Variants in ST6GAL1 observed in about 807,000 individuals in gnomAD.
ST6GAL1 encodes ST6 beta-galactoside alpha-2,6-sialyltransferase 1.
A neutral mutation model predicts 38.0 loss-of-function variants in ST6GAL1; 20 were observed. That is an observed-to-expected ratio of 0.53 (90% CI 0.37 to 0.77). The LOEUF (loss-of-function observed/expected upper bound fraction) is 0.77, where lower values mean the gene tolerates loss of function less well. ST6GAL1 is among the 30% of genes least tolerant of loss of function. ST6GAL1 has a pLI of 0.00. For synonymous variants in ST6GAL1, 196 were observed against 188.2 expected, an observed-to-expected ratio of 1.04 and a Z score of -0.34; for missense variants, 432 against 496.4, an observed-to-expected ratio of 0.87 and a Z score of 1.23.
intron 1 of ST6GAL1, among the ~76,000 whole-genome samples, chr3:186,941,282 T>A (rs1714162683): frequency 6.6e-6 from 1 of 151,910 alleles, no homozygotes; most frequent in Non-Finnish European, 1.5e-5. Context: ...AAAAGGAGTG[T>A]TTGATCTCGG....
rs138084541 is a variant in ST6GAL1 at position 186,982,586 on chromosome 3, A to G, written c.-183+18660A>G. Among the ~76,000 whole-genome samples the G allele has an allele frequency of 3.9e-5, 6 of 152,318 alleles. No homozygotes were observed. In the East Asian group the frequency reaches 1.2e-3, roughly 30 times the overall value. On this transcript the variant is annotated intron_variant, in intron 2 of 7. Coordinates refer to ENST00000169298, the MANE Select transcript of ST6GAL1 (RefSeq NM_173216.2). ...TATCATTTAATCAACCTTGAGCTTG[A>G]GACCAAAGGGAACATACCCTAAGTT...
intron 5 of ST6GAL1, 31 bp from the exon 6 acceptor site, chr3:187,072,818 C>G: frequency 6.3e-7 from 1 of 1,585,400 alleles, no homozygotes; most frequent in South Asian, 1.1e-5. Flanking sequence ...TATGAATGTT[C>G]AAGCGACAGC....
intron 2 of ST6GAL1, among the ~76,000 whole-genome samples, chr3:186,969,751 G>A (rs1483119529): frequency 6.6e-6 from 1 of 152,122 alleles, no homozygotes; most frequent in Non-Finnish European, 1.5e-5. Context: ...TCCTTAAGGA[G>A]AAGCTATATG....
Position 186,984,082 on chromosome 3 carries a change from A to C in ST6GAL1, c.-183+20156A>C, listed in dbSNP as rs115324370. ...TCCTTTGTCTCCTCTTTTTCCATTA[A>C]AGTAGCACCATCCGTCTAGTTGCTT... On this transcript the variant is annotated intron_variant, in intron 2 of 7. Transcript: ENST00000169298. Among the ~76,000 whole-genome samples the C allele has an allele frequency of 3.0e-3, 453 of 152,214 alleles. 1 individual carries two copies. The highest frequency in any genetic ancestry group is 0.01 in the African/African-American group (431 of 41,528).
chr3:187,047,402 A>G (rs1188645597), intron 4 of ST6GAL1, among the ~76,000 whole-genome samples: 1 of 152,184 alleles, frequency 6.6e-6, no homozygotes, highest in African/African-American at 2.4e-5. Context: ...AATTTCTTTC[A>G]TAATAATTTC....
At chr3:186,987,189 AGGG>A (rs1715964517) in intron 2 of ST6GAL1, among the ~76,000 whole-genome samples, 1 of 70,994 alleles carries the variant, frequency 1.4e-5, no homozygotes, top group Non-Finnish European at 2.5e-5. Context: ...ACAGGGAGGG[AGGG>A]AGGGAGGGAA....
At chr3:186,988,565 T>TGG (rs749484935) in intron 2 of ST6GAL1, among the ~76,000 whole-genome samples, 3 of 17,074 alleles carry the variant, frequency 1.8e-4, no homozygotes, top group East Asian at 4.2e-3. Flanking sequence ...TGTTTTGGGG[T>TGG]GGGGGGGTGG....
chr3:186,956,667 G>A (rs1006189975), intron 1 of ST6GAL1, among the ~76,000 whole-genome samples: 1 of 152,128 alleles, frequency 6.6e-6, no homozygotes, highest in African/African-American at 2.4e-5. Context: ...GAGCCCAAGA[G>A]AAAAAGCCTA....
At chr3:186,941,642 C>T (rs925671890) in intron 1 of ST6GAL1, among the ~76,000 whole-genome samples, 2 of 152,094 alleles carry the variant, frequency 1.3e-5, no homozygotes, top group African/African-American at 4.8e-5. Context: ...GAAGAACTGA[C>T]TTAACGGAGC....
chr3:186,959,927 T>A (rs1714878785), intron 1 of ST6GAL1, among the ~76,000 whole-genome samples: 1 of 152,132 alleles, frequency 6.6e-6, no homozygotes, highest in Non-Finnish European at 1.5e-5. Context: ...GGGTGCTGAG[T>A]GGGGATGGCT....
At position 187,049,824 on chromosome 3, in the gene ST6GAL1, C is replaced by A. The variant is rs868504882; in HGVS notation, c.608-1425C>A. ...AAGTTTCTGATGGATCTGTGTTTCT[C>A]ATGCAATTACTACTAATCCCTTTCG... On this transcript the variant is annotated intron_variant, in intron 4 of 7. Coordinates refer to ENST00000169298, the MANE Select transcript of ST6GAL1 (RefSeq NM_173216.2). 2.6e-5 allele frequency among the ~76,000 whole-genome samples: 4 copies of A among 152,328 alleles called. No individual in the cohort carries two copies. The South Asian group carries it at 8.3e-4, about 32-fold the overall frequency.
intron 2 of ST6GAL1, among the ~76,000 whole-genome samples, chr3:187,030,806 C>T (rs939604514): frequency 3.3e-5 from 5 of 152,206 alleles, no homozygotes. Flanking sequence ...GGCAGAGCTA[C>T]TCACACAGTT....
At chr3:186,965,492 TC>T (rs1560144183) in intron 2 of ST6GAL1, among the ~76,000 whole-genome samples, 1 of 152,144 alleles carries the variant, frequency 6.6e-6, no homozygotes, top group Non-Finnish European at 1.5e-5. Flanking sequence ...GGGTGGGACA[TC>T]CGTTAAGCAC....
intron 5 of ST6GAL1, among the ~76,000 whole-genome samples, chr3:187,059,192 G>A (rs758593612): frequency 1.1e-4 from 16 of 152,122 alleles, no homozygotes; most frequent in East Asian, 3.9e-4. Context: ...GTGCAGTGGC[G>A]TGATCATAGG....
intron 1 of ST6GAL1, among the ~76,000 whole-genome samples, chr3:186,959,839 C>A (rs893282654): frequency 1.3e-5 from 2 of 152,200 alleles, no homozygotes; most frequent in African/African-American, 4.8e-5. Context: ...CAAACATAAT[C>A]AAAACCATTG....
At chr3:187,031,735 G>A (rs763966609) in intron 2 of ST6GAL1, among the ~76,000 whole-genome samples, 69 of 152,130 alleles carry the variant, frequency 4.5e-4, no homozygotes, top group Admixed American at 9.8e-4. Context: ...GTACCTGGCC[G>A]AGTGGATTAT....
At chr3:187,026,210 G>A (rs1327575793) in intron 2 of ST6GAL1, among the ~76,000 whole-genome samples, 1 of 152,166 alleles carries the variant, frequency 6.6e-6, no homozygotes, top group Non-Finnish European at 1.5e-5. Flanking sequence ...ACGGTGACTT[G>A]TCAGAAATGT....
intron 3 of ST6GAL1, among the ~76,000 whole-genome samples, chr3:187,040,629 T>TA (rs998857186): frequency 2.6e-5 from 4 of 152,226 alleles, no homozygotes; most frequent in African/African-American, 9.6e-5. Flanking sequence ...GACTACCACG[T>TA]AGTAGGCCCT....
At position 187,075,636 on chromosome 3, in the gene ST6GAL1, G is replaced by A. The variant is rs763859098; in HGVS notation, c.1054G>A (p.Val352Met). 2.4e-5 allele frequency: 39 copies of A among 1,614,044 alleles called. No homozygotes were observed. The highest frequency in any genetic ancestry group is 1.4e-4 in the South Asian group (13 of 91,078). The change falls in exon 8 of 8, where the codon GTG becomes ATG. Residue 352 changes from valine to methionine, a missense_variant. Val to Met is a conservative substitution (Grantham distance 21). Coordinates refer to ENST00000169298, the MANE Select transcript of ST6GAL1 (RefSeq NM_173216.2). This position sits in a 1 kb window ranked among gnomAD's most constrained non-coding sequence, Gnocchi z 4.1. Reference protein sequence around the residue: ...EFLPSKRKTDVCYYYQKFFDS... With the variant: ...EFLPSKRKTDMCYYYQKFFDS... Reference sequence around the variant, plus strand: ...CCTCCCATCCAAGCGCAAGACTGACGTGTGCTACTACTACCAGAAGTTCTT... The same window carrying A: ...CCTCCCATCCAAGCGCAAGACTGACATGTGCTACTACTACCAGAAGTTCTT...
Sources: gnomAD v4.1 joint callset for allele counts (sites outside exome capture counted in the v4.1 genomes callset) on GRCh38, gnomAD v4.1.1 for gene constraint, Gnocchi (gnomAD v3.1) non-coding constraint, MANE v1.5 for transcripts, NCBI Gene and HGNC (gene_info 2026-07-23, HGNC 2026-07-21) for gene names.